The following RAB15 variants were observed in gnomAD, a reference collection of about 807,000 sequenced individuals.
RAB15 encodes ras-related protein Rab-15.
A neutral mutation model predicts 31.8 loss-of-function variants in RAB15; 13 were observed. The ratio of observed to expected loss-of-function variants is 0.41; its 90% CI spans 0.27 to 0.65. The LOEUF is 0.65. Among genes scored for constraint, RAB15 ranks in the 30% least tolerant of loss-of-function variants. The pLI, the probability that RAB15 is intolerant of heterozygous loss-of-function variation, is 0.32. For synonymous variants in RAB15, 100 were observed against 105.6 expected, an observed-to-expected ratio of 0.95 and a Z score of 0.33; for missense variants, 220 against 277.3, an observed-to-expected ratio of 0.79 and a Z score of 1.47.
chr14:64,959,848 CAAAAAAAA>C (rs34981340), intron 1 of RAB15, among the ~76,000 whole-genome samples: 13 of 42,058 alleles, frequency 3.1e-4, no homozygotes, highest in African/African-American at 9.9e-4. Context: ...GACCCTGTCT[CAAAAAAAA>C]AAAAAAAAAA....
intron 1 of RAB15, among the ~76,000 whole-genome samples, chr14:64,957,302 C>T (rs972327714): frequency 7.9e-5 from 12 of 152,088 alleles, no homozygotes; most frequent in African/African-American, 2.4e-4. Context: ...ATAAATTAAA[C>T]GATGTATGTG....
chr14:64,962,243 A>C lies in RAB15; in HGVS notation c.125-9672T>G, dbSNP rs1376724266. On this transcript the variant is annotated intron_variant, in intron 1 of 6. Transcript: ENST00000533601. This position sits in a 1 kb window ranked among gnomAD's most constrained non-coding sequence, Gnocchi z 4.2. ...AAACAAAACAAAACAAACAAACAAA[A>C]AACAGTCCCAAGAAACCAATACGAC... Among the ~76,000 whole-genome samples the C allele has an allele frequency of 6.6e-6, 1 of 152,128 alleles. No homozygotes were observed. Among genetic ancestry groups the C allele is most frequent in the Non-Finnish European group, 1.5e-5 (1 of 68,016 alleles).
Position 64,954,581 on chromosome 14 carries a change from A to G in RAB15, c.125-2010T>C. On this transcript the variant is annotated intron_variant, in intron 1 of 6. Coordinates refer to ENST00000533601, the MANE Select transcript of RAB15 (RefSeq NM_001308154.2). This position sits in a 1 kb window ranked among gnomAD's most constrained non-coding sequence, Gnocchi z 4.3. ...TATGGGAACTTCCTATGTGCCCTGC[A>G]CAGTGCTCAGTGCAGACAGAGCAGT... 1 of 952,866 alleles carries G rather than the reference A, an allele frequency of 1.0e-6. No homozygotes were observed. Among genetic ancestry groups the G allele is most frequent in the Non-Finnish European group, 1.2e-6 (1 of 800,276 alleles). 59.0% of individuals were successfully genotyped at this position (952,866 alleles called of 1,614,324 possible).
In RAB15 at chr14:64,950,757, T is replaced by G. The variant is rs906141736; in HGVS notation, c.324+317A>C. 3.3e-6 allele frequency: 2 copies of G among 602,670 alleles called. No individual in the cohort carries two copies. Among genetic ancestry groups the G allele is most frequent in the East Asian group, 2.8e-5 (1 of 36,180 alleles). 37.3% of individuals were successfully genotyped at this position (602,670 alleles called of 1,614,324 possible). A position where few individuals can be genotyped will look rare whatever the true frequency, so the allele number is the denominator to read the frequency against. ...TGGCTTCCCAAGGCTCCACAGCTAT[T>G]GTGCAGAGCCAGGACTAGATCCCAA... On this transcript the variant is annotated intron_variant, in intron 4 of 6. Coordinates refer to ENST00000533601, the MANE Select transcript of RAB15 (RefSeq NM_001308154.2). This position sits in a 1 kb window ranked among gnomAD's most constrained non-coding sequence, Gnocchi z 5.6.
rs2059582423 is a variant in RAB15 at position 64,951,786 on chromosome 14, T to C, written c.186-123A>G. On this transcript the variant is annotated intron_variant, in intron 2 of 6. Transcript: ENST00000533601. The surrounding 1 kb of genome is among the most constrained non-coding windows in gnomAD (Gnocchi z 7.2). ...CTAAAGGGTGAAAAACCAGGGATGC[T>C]TGGATCCCCACAGGGATCTGCAGTC... is the stretch of plus-strand genomic sequence containing the variant. The C allele has an allele frequency of 4.9e-6, 4 of 811,606 alleles. No homozygotes were observed. The highest frequency in any genetic ancestry group is 6.3e-6 in the Non-Finnish European group (3 of 472,572). 50.3% of individuals were successfully genotyped at this position (811,606 alleles called of 1,614,324 possible).
chr14:64,950,930 A>G lies in RAB15; in HGVS notation c.324+144T>C, dbSNP rs761234976. The G allele has an allele frequency of 1.9e-6, 3 of 1,591,142 alleles. No homozygotes were observed. The highest frequency in any genetic ancestry group is 4.5e-5 in the East Asian group (2 of 44,588). ...GCATGGCAGCTTCGGTTTCTTCCCC[A>G]TGTCTTACTCACCCAGAGGTCTTCA... On this transcript the variant is annotated intron_variant, in intron 4 of 6. Coordinates refer to ENST00000533601, the MANE Select transcript of RAB15 (RefSeq NM_001308154.2). This position sits in a 1 kb window ranked among gnomAD's most constrained non-coding sequence, Gnocchi z 5.6.
In RAB15 at chr14:64,953,970, T is replaced by A; in HGVS notation, c.125-1399A>T. ...ACCTCCGCATCAGTTATTTGCCAAA[T>A]GGGAGACATCTTCCCTTATCTGTGC... On this transcript the variant is annotated intron_variant, in intron 1 of 6. Transcript: ENST00000533601. This position sits in a 1 kb window ranked among gnomAD's most constrained non-coding sequence, Gnocchi z 4.6. The A allele has an allele frequency of 4.1e-6, 4 of 985,402 alleles. No individual in the cohort carries two copies. Among genetic ancestry groups the A allele is most frequent in the Non-Finnish European group, 4.8e-6 (4 of 829,918 alleles). The allele number at this position is 985,402 out of a possible 1,614,324, so 61.0% of individuals were successfully genotyped here.
Position 64,955,936 on chromosome 14 carries a change from G to C in RAB15, c.125-3365C>G, listed in dbSNP as rs186359823. 2.0e-5 allele frequency among the ~76,000 whole-genome samples: 3 copies of C among 152,296 alleles called. No homozygotes were observed. On this transcript the variant is annotated intron_variant, in intron 1 of 6. Coordinates refer to ENST00000533601, the MANE Select transcript of RAB15 (RefSeq NM_001308154.2). The surrounding 1 kb of genome is among the most constrained non-coding windows in gnomAD (Gnocchi z 4.4). Reference sequence around the variant, plus strand: ...TTCCAGGTGCATGAGAATCACGCGGGGATTGAGTTAAAATGCAGATTCTGA... The same window carrying C: ...TTCCAGGTGCATGAGAATCACGCGGCGATTGAGTTAAAATGCAGATTCTGA...
chr14:64,964,860 C>T (rs1887048907), intron 1 of RAB15, among the ~76,000 whole-genome samples: 2 of 152,074 alleles, frequency 1.3e-5, no homozygotes, highest in South Asian at 4.2e-4. Context: ...CAGGCGTGAG[C>T]CACCGCACCC....
At chr14:64,964,812 T>A (rs1887045381) in intron 1 of RAB15, among the ~76,000 whole-genome samples, 1 of 152,084 alleles carries the variant, frequency 6.6e-6, no homozygotes, top group Non-Finnish European at 1.5e-5. Context: ...CCTGACCTTG[T>A]GATCTGCCCA....
At position 64,954,060 on chromosome 14, in the gene RAB15, C is replaced by A. The variant is rs1433624694; in HGVS notation, c.125-1489G>T. On this transcript the variant is annotated intron_variant, in intron 1 of 6. Coordinates refer to ENST00000533601, the MANE Select transcript of RAB15 (RefSeq NM_001308154.2). This position sits in a 1 kb window ranked among gnomAD's most constrained non-coding sequence, Gnocchi z 4.3. ...GTCTCTTCCTTCCCACCATCAAGAC[C>A]AATCATCATTTAATTACAAGGGAAA... The A allele has an allele frequency of 3.0e-6, 3 of 985,310 alleles. No homozygotes were observed. Among genetic ancestry groups the A allele is most frequent in the Admixed American group, 6.1e-5 (1 of 16,264 alleles). 61.0% of individuals were successfully genotyped at this position (985,310 alleles called of 1,614,324 possible).
rs1349841181 is a variant in RAB15, at chr14:64,950,376, A to G, written c.363T>C (p.Asn121=). 1.2e-6 allele frequency: 2 copies of G among 1,614,000 alleles called. No homozygotes were observed. The highest frequency in any genetic ancestry group is 2.7e-5 in the African/African-American group (2 of 74,896). The part of the protein sequence containing the change: ...PEGVQKILIG[N]KADEEQKRQV... Reference sequence around the variant, plus strand: ...GCCGTTTCTGCTCCTCATCAGCCTTATTCCCAATAAGGATCTTCTGGACGC... The same window carrying G: ...GCCGTTTCTGCTCCTCATCAGCCTTGTTCCCAATAAGGATCTTCTGGACGC... Residue 121 remains asparagine (N), a synonymous_variant, in exon 5 of 7, where the codon AAT becomes AAC. Transcript: ENST00000533601. This position sits in a 1 kb window ranked among gnomAD's most constrained non-coding sequence, Gnocchi z 5.6.
At position 64,950,206 on chromosome 14, in the gene RAB15, C is replaced by A; in HGVS notation, c.414+119G>T. The A allele has an allele frequency of 1.2e-6, 1 of 829,432 alleles. No homozygotes were observed. The highest frequency in any genetic ancestry group is 1.4e-5 in the South Asian group (1 of 71,228). 51.4% of individuals were successfully genotyped at this position (829,432 alleles called of 1,614,324 possible). On this transcript the variant is annotated intron_variant, in intron 5 of 6. Coordinates refer to ENST00000533601, the MANE Select transcript of RAB15 (RefSeq NM_001308154.2). The surrounding 1 kb of genome is among the most constrained non-coding windows in gnomAD (Gnocchi z 5.6). Reference sequence around the variant, plus strand: ...GCCACTCCCCCAGGGCCTTGGGGTGCTGGGGACGTGTGGGAGGACCTGCCA... The same window carrying A: ...GCCACTCCCCCAGGGCCTTGGGGTGATGGGGACGTGTGGGAGGACCTGCCA...
At position 64,948,251 on chromosome 14, in the gene RAB15, C is replaced by A; in HGVS notation, c.*103G>T. ...AGTGGCTACTGATACTCAATAGGGTCATCACACGAGAGGACAGCAGCAGGG... is the reference window on the plus strand; with the variant it reads ...AGTGGCTACTGATACTCAATAGGGTAATCACACGAGAGGACAGCAGCAGGG... On this transcript the variant is annotated 3_prime_UTR_variant, in exon 7 of 7. Transcript: ENST00000533601. The surrounding 1 kb of genome is among the most constrained non-coding windows in gnomAD (Gnocchi z 7.0). The A allele has an allele frequency of 8.1e-7, 1 of 1,239,538 alleles. No individual in the cohort carries two copies. The highest frequency in any genetic ancestry group is 1.6e-5 in the South Asian group (1 of 60,956). The allele number at this position is 1,239,538 out of a possible 1,614,324, so 76.8% of individuals were successfully genotyped here.
rs2139993347 is a variant in RAB15, at chr14:64,962,337, AATTC to A, written c.124+9612_124+9615del. Among the ~76,000 whole-genome samples, 1 of 152,352 alleles carries A rather than the reference AATTC, an allele frequency of 6.6e-6. No individual in the cohort carries two copies. The highest frequency in any genetic ancestry group is 2.1e-4 in the South Asian group (1 of 4,832). On this transcript the variant is annotated intron_variant, in intron 1 of 6. Transcript: ENST00000533601. This position sits in a 1 kb window ranked among gnomAD's most constrained non-coding sequence, Gnocchi z 4.2. ...GCATTCATTCATTCCTTCATTTGTT[AATTC>A]ATTCATTCAAACTGTTATTGAATGC... is the stretch of plus-strand genomic sequence containing the variant.
At chr14:64,969,974 G>A (rs1887341358) in intron 1 of RAB15, among the ~76,000 whole-genome samples, 1 of 152,128 alleles carries the variant, frequency 6.6e-6, no homozygotes, top group African/African-American at 2.4e-5. Context: ...CAAAAAGGAG[G>A]GTATGTGTCT....
At chr14:64,949,963 C>T (rs73281765) in intron 5 of RAB15, among the ~76,000 whole-genome samples, 11,071 of 152,010 alleles carry the variant, frequency 0.073, 462 homozygotes, top group Middle Eastern at 0.088. Flanking sequence ...ATTTCTCGAC[C>T]GTAACATGGC....
At position 64,953,790 on chromosome 14, in the gene RAB15, CTT is replaced by C. The variant is rs2139974902; in HGVS notation, c.125-1221_125-1220del. ...TCTGGTGGGTTAATTAAGCTTACGT[CTT>C]TGTGTACTCCCTGGAGCAAGGTCAG... On this transcript the variant is annotated intron_variant, in intron 1 of 6. Coordinates refer to ENST00000533601, the MANE Select transcript of RAB15 (RefSeq NM_001308154.2). This position sits in a 1 kb window ranked among gnomAD's most constrained non-coding sequence, Gnocchi z 4.6. 1 of 985,344 alleles carries C rather than the reference CTT, an allele frequency of 1.0e-6. No individual in the cohort carries two copies. The highest frequency in any genetic ancestry group is 1.1e-4 in the East Asian group (1 of 8,814). 61.0% of individuals were successfully genotyped at this position (985,344 alleles called of 1,614,324 possible). A position where few individuals can be genotyped will look rare whatever the true frequency, so the allele number is the denominator to read the frequency against.
Position 64,963,182 on chromosome 14 carries a change from G to A in RAB15, c.124+8771C>T, listed in dbSNP as rs566773973. Among the ~76,000 whole-genome samples the A allele has an allele frequency of 4.4e-5, 6 of 135,138 alleles. No homozygotes were observed. The South Asian group carries it at 7.1e-4, about 16-fold the overall frequency. 88.7% of individuals were successfully genotyped at this position (135,138 alleles called of 152,430 possible). A position where few individuals can be genotyped will look rare whatever the true frequency, so the allele number is the denominator to read the frequency against. ...CACCCAGGCTGGAGTACAGTGGTAC[G>A]ATCTCGGCTCACTGCAACCTCCACC... On this transcript the variant is annotated intron_variant, in intron 1 of 6. Coordinates refer to ENST00000533601, the MANE Select transcript of RAB15 (RefSeq NM_001308154.2).
Sources: gnomAD v4.1 joint callset for allele counts (sites outside exome capture counted in the v4.1 genomes callset) on GRCh38, gnomAD v4.1.1 for gene constraint, Gnocchi (gnomAD v3.1) non-coding constraint, MANE v1.5 for transcripts, NCBI Gene and HGNC (gene_info 2026-07-23, HGNC 2026-07-21) for gene names.